Variants in ME1 observed in about 807,000 individuals in gnomAD.
ME1 encodes the protein malic enzyme 1, also known as NADP-dependent malic enzyme.
Under a neutral mutation model 66.4 loss-of-function variants are expected in ME1, and 74 were observed. That is an observed-to-expected ratio of 1.11 (90% CI 0.92 to 1.35). ME1 has a LOEUF of 1.35. ME1 is among the 40% of genes most tolerant of loss of function. The pLI, the probability that ME1 is intolerant of heterozygous loss-of-function variation, is 0.00. For missense variants in ME1, 750 were observed against 694.1 expected (o/e 1.08, Z -0.90); for synonymous variants, 251 against 235.6 (o/e 1.07, Z -0.60).
At chr6:83,372,902 T>A (rs1168613011) in intron 3 of ME1, among the ~76,000 whole-genome samples, 1 of 152,188 alleles carries the variant, frequency 6.6e-6, no homozygotes, top group African/African-American at 2.4e-5. Flanking sequence ...TTATGCTATG[T>A]CCACCGGAAA....
chr6:83,214,723 T>C (rs149401120), intron 13 of ME1, among the ~76,000 whole-genome samples: 3 of 152,226 alleles, frequency 2.0e-5, no homozygotes, highest in South Asian at 2.1e-4. Context: ...CCAGGTCTTT[T>C]ATCTAGCCTC....
At chr6:83,416,739 G>GA (rs1161186835) in intron 1 of ME1, among the ~76,000 whole-genome samples, 119 of 151,816 alleles carry the variant, frequency 7.8e-4, no homozygotes, top group Non-Finnish European at 1.2e-4. Context: ...AAAAAAAGTA[G>GA]AAAAAAATTA....
chr6:83,342,636 C>T lies in ME1; in HGVS notation c.600+3537G>A, dbSNP rs141989726. Among the ~76,000 whole-genome samples, 1,364 of 152,188 alleles carry T rather than the reference C, an allele frequency of 9.0e-3. 12 individuals are homozygous for T. The highest frequency in any genetic ancestry group is 0.014 in the Non-Finnish European group (924 of 68,006). ...GTGATACTTGGTTACATGCATGGAA[C>T]GTGTAATGATCCAGTCAGGGTATTT... On this transcript the variant is annotated intron_variant, in intron 5 of 13. Transcript: ENST00000369705.
intron 1 of ME1, among the ~76,000 whole-genome samples, chr6:83,423,960 A>C (rs1047582273): frequency 1.3e-5 from 2 of 151,724 alleles, no homozygotes; most frequent in African/African-American, 4.8e-5. Flanking sequence ...AAATACAAAA[A>C]TTAGCTAGGC....
chr6:83,354,375 G>T (rs1306632059), intron 3 of ME1, among the ~76,000 whole-genome samples: 1 of 152,204 alleles, frequency 6.6e-6, no homozygotes, highest in Admixed American at 6.5e-5. Flanking sequence ...CAAGTGATCC[G>T]CCTGCCTCAG....
intron 6 of ME1, among the ~76,000 whole-genome samples, chr6:83,299,699 C>T (rs937996676): frequency 6.6e-6 from 1 of 152,116 alleles, no homozygotes; most frequent in African/African-American, 2.4e-5. Flanking sequence ...GGTAATGCTT[C>T]CAGTTTTTGC....
At chr6:83,291,917 T>C (rs534486998) in intron 6 of ME1, among the ~76,000 whole-genome samples, 37 of 152,216 alleles carry the variant, frequency 2.4e-4, no homozygotes, top group Non-Finnish European at 4.9e-4. Flanking sequence ...GAATCGGCTA[T>C]TGAAGCTTGT....
chr6:83,243,172 A>G (rs955724041), intron 7 of ME1, among the ~76,000 whole-genome samples: 2 of 151,038 alleles, frequency 1.3e-5, no homozygotes, highest in Admixed American at 6.7e-5. Flanking sequence ...AGGCTGAGGC[A>G]GTAGGATCAC....
intron 5 of ME1, among the ~76,000 whole-genome samples, chr6:83,332,539 A>C (rs1378214340): frequency 6.6e-6 from 1 of 152,224 alleles, no homozygotes; most frequent in Non-Finnish European, 1.5e-5. Context: ...GGATAAAGAA[A>C]ATTTTCACAT....
At chr6:83,416,092 A>C (rs1292894515) in intron 1 of ME1, among the ~76,000 whole-genome samples, 3 of 152,140 alleles carry the variant, frequency 2.0e-5, no homozygotes, top group African/African-American at 7.2e-5. Flanking sequence ...ATTTTGAGCA[A>C]ATATTTAAGG....
chr6:83,269,347 G>A (rs1206657357), intron 6 of ME1, among the ~76,000 whole-genome samples: 1 of 152,000 alleles, frequency 6.6e-6, no homozygotes, highest in Admixed American at 6.6e-5. Flanking sequence ...GATATTAATT[G>A]TGACATTTAA....
At chr6:83,263,583 A>T (rs2128529918) in intron 6 of ME1, among the ~76,000 whole-genome samples, 1 of 152,266 alleles carries the variant, frequency 6.6e-6, no homozygotes, top group African/African-American at 2.4e-5. Context: ...AGTGATCTGG[A>T]TAGATTAAGC....
At chr6:83,229,745 T>C (rs976668957) in intron 9 of ME1, among the ~76,000 whole-genome samples, 1 of 152,184 alleles carries the variant, frequency 6.6e-6, no homozygotes, top group Non-Finnish European at 1.5e-5. Context: ...ACTTAACAAA[T>C]AGTATGTCAT....
At chr6:83,301,517 A>G (rs781780888) in intron 6 of ME1, among the ~76,000 whole-genome samples, 3 of 151,762 alleles carry the variant, frequency 2.0e-5, no homozygotes, top group Non-Finnish European at 4.4e-5. Flanking sequence ...TAATTTTTGT[A>G]TTTTTAGTAG....
intron 6 of ME1, among the ~76,000 whole-genome samples, chr6:83,307,404 T>C (rs1409566819): frequency 6.6e-6 from 1 of 152,116 alleles, no homozygotes; most frequent in Non-Finnish European, 1.5e-5. Flanking sequence ...TTTTCTCACA[T>C]TGACAGACAT....
At chr6:83,384,324 C>T (rs1452738506) in intron 3 of ME1, among the ~76,000 whole-genome samples, 2 of 151,222 alleles carry the variant, frequency 1.3e-5, no homozygotes, top group Non-Finnish European at 3.0e-5. Flanking sequence ...TGTAACCTCA[C>T]CAACATCTGA....
In ME1 at chr6:83,264,282, A is replaced by G. The variant is rs936132019; in HGVS notation, c.705-10544T>C. 2.6e-5 allele frequency among the ~76,000 whole-genome samples: 4 copies of G among 152,210 alleles called. No individual in the cohort carries two copies. The South Asian group carries it at 8.3e-4, about 32-fold the overall frequency. ...CTGCTCAAAAAATTAGATTCCTTTC[A>G]AAATATTGCTGCTTATTGGCAATGC... On this transcript the variant is annotated intron_variant, in intron 6 of 13. Transcript: ENST00000369705.
intron 6 of ME1, among the ~76,000 whole-genome samples, chr6:83,285,461 A>G (rs1562469415): frequency 6.6e-6 from 1 of 152,200 alleles, no homozygotes; most frequent in Non-Finnish European, 1.5e-5. Context: ...CTTGCTGAAG[A>G]CAGATAATAA....
intron 2 of ME1, among the ~76,000 whole-genome samples, chr6:83,403,484 TA>T (rs963973968): frequency 2.0e-5 from 3 of 152,140 alleles, no homozygotes; most frequent in Admixed American, 6.6e-5. Context: ...AGGCCTCTTT[TA>T]TTTTTTTATT....
Sources: allele counts gnomAD v4.1 joint callset (sites outside exome capture counted in the v4.1 genomes callset), GRCh38; gene constraint gnomAD v4.1.1; transcripts MANE v1.5; gene names NCBI Gene and HGNC (gene_info 2026-07-23, HGNC 2026-07-21).